Variants in MAP4K5 observed in about 807,000 individuals in gnomAD.
The protein encoded by MAP4K5 is MAPK/ERK kinase kinase kinase 5.
A neutral mutation model predicts 135.6 loss-of-function variants in MAP4K5; 82 were observed. The observed-to-expected ratio is 0.60, with a 90% CI of 0.51 to 0.73. The LOEUF is 0.73. Ranked by LOEUF, MAP4K5 falls within the 30% of genes least tolerant of loss-of-function variation. The pLI, the probability that MAP4K5 is intolerant of heterozygous loss-of-function variation, is 0.00. For missense variants in MAP4K5, 907 were observed against 1,010.9 expected, an observed-to-expected ratio of 0.90 and a Z score of 1.39; for synonymous variants, 347 against 335.0, an observed-to-expected ratio of 1.04 and a Z score of -0.39.
chr14:50,527,673 T>C (rs2038295984), intron 2 of MAP4K5, among the ~76,000 whole-genome samples: 1 of 152,082 alleles, frequency 6.6e-6, no homozygotes, highest in African/African-American at 2.4e-5. Flanking sequence ...GTTTGTTACA[T>C]TACAAAGATG....
At chr14:50,471,219 A>G (rs2139849364) in intron 9 of MAP4K5, among the ~76,000 whole-genome samples, 1 of 152,276 alleles carries the variant, frequency 6.6e-6, no homozygotes, top group South Asian at 2.1e-4. Flanking sequence ...CCAAATATTT[A>G]GTGATAGTAA....
rs145202942 is a variant in MAP4K5, at chr14:50,509,427, A to G, written c.109-4570T>C. On this transcript the variant is annotated intron_variant, in intron 2 of 32. Coordinates refer to ENST00000682126, the MANE Select transcript of MAP4K5 (RefSeq NM_006575.6). The stretch of plus-strand genomic sequence containing the variant: ...TGGTAACTTTTGTTGAAACAGATTA[A>G]CAAAATAATCTACTGAAAACAGCTA... Among the ~76,000 whole-genome samples the G allele has an allele frequency of 5.8e-3, 889 of 152,294 alleles. 9 individuals carry two copies. Among genetic ancestry groups the G allele is most frequent in the African/African-American group, 0.02 (838 of 41,568 alleles).
At chr14:50,499,296 G>A (rs1027925852) in intron 3 of MAP4K5, among the ~76,000 whole-genome samples, 1 of 152,126 alleles carries the variant, frequency 6.6e-6, no homozygotes, top group Non-Finnish European at 1.5e-5. Context: ...AGAGTTAAGG[G>A]GGGAAAGCTG....
At chr14:50,436,930 T>A (rs978994994) in intron 26 of MAP4K5, among the ~76,000 whole-genome samples, 2 of 152,170 alleles carry the variant, frequency 1.3e-5, no homozygotes, top group Non-Finnish European at 2.9e-5. Flanking sequence ...TCTTTCCCTG[T>A]TCTAAACGGT....
chr14:50,459,993 C>T (rs918628630), intron 13 of MAP4K5, among the ~76,000 whole-genome samples: 1 of 151,998 alleles, frequency 6.6e-6, no homozygotes, highest in Non-Finnish European at 1.5e-5. Context: ...CCACTGTGTC[C>T]AACCCAGACT....
At chr14:50,433,508 G>A (rs1390974488) in intron 28 of MAP4K5, among the ~76,000 whole-genome samples, 1 of 152,080 alleles carries the variant, frequency 6.6e-6, no homozygotes, top group Non-Finnish European at 1.5e-5. Flanking sequence ...CATTTACCAG[G>A]GTATCACTGG....
At chr14:50,424,168 TAAAA>T (rs201625500) in intron 31 of MAP4K5, among the ~76,000 whole-genome samples, 1 of 140,514 alleles carries the variant, frequency 7.1e-6, no homozygotes, top group African/African-American at 2.6e-5. Context: ...TAAAGTAAGT[TAAAA>T]AAAAAAAAAA....
At chr14:50,424,709 CA>C (rs57648390) in intron 31 of MAP4K5, among the ~76,000 whole-genome samples, 6,035 of 21,334 alleles carry the variant, frequency 0.28, 265 homozygotes, top group African/African-American at 0.41. Flanking sequence ...GACTCCATCT[CA>C]AAAAAAAAAA....
Position 50,544,692 on chromosome 14 carries a change from G to A in MAP4K5, c.-179-2108C>T, listed in dbSNP as rs145622495. ...CTCACACTTGTAATCTCAGAGCTTT[G>A]GGAGGCTGAGGTGGGAGGATTGCTT... is the stretch of plus-strand genomic sequence containing the variant. On this transcript the variant is annotated intron_variant, in intron 1 of 8. Transcript: ENST00000555216. 4.6e-3 allele frequency among the ~76,000 whole-genome samples: 699 copies of A among 152,158 alleles called. 8 individuals are homozygous for A. Among genetic ancestry groups the A allele is most frequent in the African/African-American group, 0.016 (668 of 41,494 alleles).
chr14:50,523,722 C>T (rs1463659746), intron 2 of MAP4K5, among the ~76,000 whole-genome samples: 1 of 152,136 alleles, frequency 6.6e-6, no homozygotes, highest in Non-Finnish European at 1.5e-5. Context: ...TGTCTCTCTC[C>T]CCCCACTAAA....
At chr14:50,422,551 T>C (rs767753526) in intron 32 of MAP4K5, among the ~76,000 whole-genome samples, 1 of 151,726 alleles carries the variant, frequency 6.6e-6, no homozygotes, top group Non-Finnish European at 1.5e-5. Context: ...AAGTAGACAG[T>C]TGAGCGACAG....
In MAP4K5 at chr14:50,482,374, C is replaced by G; in HGVS notation, c.365G>C (p.Arg122Thr). The change falls in exon 6 of 33, where the codon AGA becomes ACA. Residue 122 changes from arginine to threonine, a missense_variant. This residue lies in a region of MAP4K5 where 196 missense variants were observed against 189.3 expected (regional missense o/e 1.04). Transcript: ENST00000682126. The part of the protein sequence containing the change: ...LSELQIAYVC[R>T]ETLQGLAYLH... ...AAAATATAGTACCTGTAAGGTTTCT[C>G]TGCATACATAGGCTATTTGCAATTC... 6.6e-7 allele frequency: 1 copy of G among 1,522,146 alleles called. No homozygotes were observed. The highest frequency in any genetic ancestry group is 8.8e-7 in the Non-Finnish European group (1 of 1,137,154). The allele number at this position is 1,522,146 out of a possible 1,614,324, so 94.3% of individuals were successfully genotyped here. A position where few individuals can be genotyped will look rare whatever the true frequency, so the allele number is the denominator to read the frequency against.
At chr14:50,500,290 T>C (rs896782291) in intron 3 of MAP4K5, among the ~76,000 whole-genome samples, 1 of 152,188 alleles carries the variant, frequency 6.6e-6, no homozygotes, top group East Asian at 1.9e-4. Flanking sequence ...ACGTGTCCTA[T>C]GCAGCGAACT....
At chr14:50,485,907 G>A in intron 4 of MAP4K5, 197 bp downstream of exon 4, 1 of 536,520 alleles carries the variant, frequency 1.9e-6, no homozygotes, top group South Asian at 2.9e-5. Context: ...GCCAGATGAG[G>A]TACAACTATA....
intron 2 of MAP4K5, among the ~76,000 whole-genome samples, chr14:50,513,294 A>G (rs1348852132): frequency 2.0e-5 from 3 of 152,318 alleles, no homozygotes; most frequent in Admixed American, 6.5e-5. Context: ...CCAGTCTTCA[A>G]TCTTACTAAT....
chr14:50,445,818 T>C (rs1398276014), intron 17 of MAP4K5, among the ~76,000 whole-genome samples: 4 of 152,122 alleles, frequency 2.6e-5, no homozygotes, highest in Admixed American at 1.3e-4. Flanking sequence ...CCACTTGCCT[T>C]TGTCTCCCGA....
intron 9 of MAP4K5, among the ~76,000 whole-genome samples, chr14:50,470,203 TC>T (rs2036926349): frequency 6.6e-6 from 1 of 152,178 alleles, no homozygotes; most frequent in South Asian, 2.1e-4. Flanking sequence ...CTGTTGCACT[TC>T]CTGGCTCAGT....
At chr14:50,514,826 T>C (rs976077838) in intron 2 of MAP4K5, among the ~76,000 whole-genome samples, 2 of 94,782 alleles carry the variant, frequency 2.1e-5, no homozygotes, top group East Asian at 6.8e-4. Context: ...AAAGTTAAGA[T>C]TCCTTTGATG....
intron 11 of MAP4K5, among the ~76,000 whole-genome samples, chr14:50,465,343 T>C (rs1319879107): frequency 1.3e-5 from 2 of 152,184 alleles, no homozygotes; most frequent in African/African-American, 4.8e-5. Context: ...AATTCTAGAA[T>C]TTAAGAACTC....
Sources: gnomAD v4.1 joint callset for allele counts (sites outside exome capture counted in the v4.1 genomes callset) on GRCh38, gnomAD v4.1.1 for gene constraint, gnomAD v4.1.1 regional missense constraint, MANE v1.5 for transcripts, NCBI Gene and HGNC (gene_info 2026-07-23, HGNC 2026-07-21) for gene names.